The following PRKCB variants were observed in gnomAD, a reference collection of about 807,000 sequenced individuals.
PRKCB encodes protein kinase C beta.
Under a neutral mutation model 81.5 loss-of-function variants are expected in PRKCB, and 13 were observed. The observed-to-expected ratio is 0.16, with a 90% CI of 0.10 to 0.25. The LOEUF (loss-of-function observed/expected upper bound fraction) is 0.25. Among genes scored for constraint, PRKCB ranks in the 10% least tolerant of loss-of-function variants. PRKCB has a pLI of 1.00. For synonymous variants in PRKCB, 335 were observed against 321.4 expected, an observed-to-expected ratio of 1.04 and a Z score of -0.45; for missense variants, 509 against 875.7, an observed-to-expected ratio of 0.58 and a Z score of 5.29.
Position 24,123,825 on chromosome 16 carries a change from C to T in PRKCB, c.919-10C>T, listed in dbSNP as rs770864109. The T allele has an allele frequency of 1.2e-6, 2 of 1,613,396 alleles. No individual in the cohort carries two copies. Among genetic ancestry groups the T allele is most frequent in the African/African-American group, 2.7e-5 (2 of 74,860 alleles). On this transcript the variant is annotated splice_polypyrimidine_tract_variant and intron_variant, in intron 8 of 16. Coordinates refer to ENST00000643927, the MANE Select transcript of PRKCB (RefSeq NM_002738.7). ...CCTGAGCATGTTTTCTGTGTGCTTC[C>T]TTTTTGCAGAGGGCCAAGATCAGTC...
At chr16:23,985,895 C>G (rs1331565158) in intron 2 of PRKCB, among the ~76,000 whole-genome samples, 2 of 152,000 alleles carry the variant, frequency 1.3e-5, no homozygotes, top group African/African-American at 2.4e-5. Context: ...ATAGAAGGCC[C>G]AAAGACAGAC....
intron 2 of PRKCB, among the ~76,000 whole-genome samples, chr16:23,896,897 C>T (rs1353925220): frequency 6.6e-6 from 1 of 151,800 alleles, no homozygotes; most frequent in Non-Finnish European, 1.5e-5. Flanking sequence ...TCCATCCATC[C>T]ATCCATCCAT....
At chr16:24,213,389 T>C (rs561797340) in intron 16 of PRKCB, among the ~76,000 whole-genome samples, 1 of 152,256 alleles carries the variant, frequency 6.6e-6, no homozygotes, top group South Asian at 2.1e-4. Flanking sequence ...ATGGACCTGG[T>C]TCATCTTGCT....
rs151111794 is a variant in PRKCB, at chr16:24,026,961, C to A, written c.289-5175C>A. Among the ~76,000 whole-genome samples the A allele has an allele frequency of 5.5e-3, 844 of 152,282 alleles. 16 individuals are homozygous for A. The highest frequency in any genetic ancestry group is 5.0e-3 in the Non-Finnish European group (338 of 68,026). ...AGTAGGGGTGTAAGAGAACCTGGAGCTTCTCCTACAGGCCAATACCAGTCA... is the reference window on the plus strand; with the variant it reads ...AGTAGGGGTGTAAGAGAACCTGGAGATTCTCCTACAGGCCAATACCAGTCA... On this transcript the variant is annotated intron_variant, in intron 3 of 16. Transcript: ENST00000643927.
intron 8 of PRKCB, among the ~76,000 whole-genome samples, chr16:24,120,251 C>T (rs909400440): frequency 6.6e-6 from 1 of 152,032 alleles, no homozygotes; most frequent in Non-Finnish European, 1.5e-5. Context: ...TGTTCCGCGT[C>T]TTGTTTGGGG....
At chr16:24,036,608 A>G (rs1445778620) in intron 5 of PRKCB, among the ~76,000 whole-genome samples, 1 of 152,188 alleles carries the variant, frequency 6.6e-6, no homozygotes, top group East Asian at 1.9e-4. Context: ...GATTGTGTAA[A>G]AGCTGAAAAA....
chr16:23,962,341 G>A (rs939205155), intron 2 of PRKCB, among the ~76,000 whole-genome samples: 5 of 152,010 alleles, frequency 3.3e-5, no homozygotes, highest in South Asian at 2.1e-4. Flanking sequence ...TCCCTCATCC[G>A]TCCCAACCCC....
At chr16:24,136,642 G>A (rs984289793) in intron 9 of PRKCB, among the ~76,000 whole-genome samples, 3 of 152,054 alleles carry the variant, frequency 2.0e-5, no homozygotes, top group Admixed American at 6.5e-5. Flanking sequence ...CTAAAATCCC[G>A]GGAAAGAAAA....
intron 15 of PRKCB, among the ~76,000 whole-genome samples, chr16:24,186,250 G>C (rs1729895152): frequency 6.6e-6 from 1 of 152,152 alleles, no homozygotes; most frequent in South Asian, 2.1e-4. Context: ...AGATCCTAAA[G>C]ATCAGCGACC....
At chr16:24,122,156 A>G (rs198183) in intron 8 of PRKCB, among the ~76,000 whole-genome samples, 107,051 of 152,056 alleles carry the variant, frequency 0.7, 38,893 homozygotes, top group African/African-American at 0.87. Flanking sequence ...TTCAGGGAAG[A>G]GCCCTCTTAT....
intron 9 of PRKCB, among the ~76,000 whole-genome samples, chr16:24,140,153 CAT>C (rs1419206371): frequency 1.3e-5 from 2 of 152,236 alleles, no homozygotes; most frequent in African/African-American, 4.8e-5. Context: ...AACATTTAAA[CAT>C]ATGTTTGTGT....
intron 10 of PRKCB, among the ~76,000 whole-genome samples, chr16:24,167,166 A>C (rs2141962290): frequency 6.6e-6 from 1 of 151,042 alleles, no homozygotes; most frequent in Middle Eastern, 3.5e-3. Context: ...AAGCCAAAGA[A>C]CCAGGGGCTG....
intron 7 of PRKCB, among the ~76,000 whole-genome samples, chr16:24,101,214 G>A (rs1427304345): frequency 6.6e-6 from 1 of 152,180 alleles, no homozygotes; most frequent in African/African-American, 2.4e-5. Flanking sequence ...CAAGGAGATG[G>A]TTAGTTTTGG....
intron 2 of PRKCB, among the ~76,000 whole-genome samples, chr16:23,837,697 G>T (rs544560830): frequency 1.3e-5 from 2 of 152,210 alleles, no homozygotes; most frequent in African/African-American, 2.4e-5. Context: ...GGTCAGTTCC[G>T]CTGGGGGAGA....
At chr16:23,852,785 A>C (rs373064912) in intron 2 of PRKCB, among the ~76,000 whole-genome samples, 4 of 152,212 alleles carry the variant, frequency 2.6e-5, no homozygotes, top group Non-Finnish European at 4.4e-5. Flanking sequence ...TCTATCACCT[A>C]TGATTACTTT....
At chr16:23,960,028 T>G (rs1964403746) in intron 2 of PRKCB, among the ~76,000 whole-genome samples, 1 of 152,106 alleles carries the variant, frequency 6.6e-6, no homozygotes, top group Non-Finnish European at 1.5e-5. Flanking sequence ...TGCTCTGCCG[T>G]AGTCCATTCG....
At chr16:24,088,643 C>T (rs1265579268) in intron 5 of PRKCB, among the ~76,000 whole-genome samples, 1 of 149,754 alleles carries the variant, frequency 6.7e-6, no homozygotes, top group Non-Finnish European at 1.5e-5. Flanking sequence ...GTGGTAGCAT[C>T]GCTTGATCCT....
At chr16:23,923,948 C>T (rs745623468) in intron 2 of PRKCB, among the ~76,000 whole-genome samples, 15 of 152,046 alleles carry the variant, frequency 9.9e-5, no homozygotes, top group East Asian at 1.9e-4. Flanking sequence ...GTCCTTGAAG[C>T]GCTCCCTATA....
At chr16:24,071,855 C>A (rs559962893) in intron 5 of PRKCB, among the ~76,000 whole-genome samples, 33 of 152,186 alleles carry the variant, frequency 2.2e-4, no homozygotes, top group African/African-American at 7.2e-4. Flanking sequence ...TTGCAGTAAC[C>A]ATGCCCAAGC....
Sources: gnomAD v4.1 joint callset for allele counts (sites outside exome capture counted in the v4.1 genomes callset) on GRCh38, gnomAD v4.1.1 for gene constraint, MANE v1.5 for transcripts, NCBI Gene and HGNC (gene_info 2026-07-23, HGNC 2026-07-21) for gene names.